Variants in FRMD8 observed in about 807,000 individuals in gnomAD.
The protein encoded by FRMD8 is FERM domain containing 8.
Under a neutral mutation model 54.2 loss-of-function variants are expected in FRMD8, and 37 were observed. The ratio of observed to expected loss-of-function variants is 0.68; its 90% CI spans 0.53 to 0.90. The LOEUF (loss-of-function observed/expected upper bound fraction) is 0.90, where lower values mean the gene tolerates loss of function less well. Among genes scored for constraint, FRMD8 ranks in the 40% least tolerant of loss-of-function variants. FRMD8 has a pLI of 0.00. For synonymous variants in FRMD8, 246 were observed against 286.9 expected (o/e 0.86, Z 1.44); for missense variants, 585 against 653.7 (o/e 0.89, Z 1.15).
At chr11:65,380,253 G>C in the FRMD8 span, 1 of 1,607,620 alleles carries the variant, frequency 6.2e-7, no homozygotes, top group South Asian at 1.1e-5. Flanking sequence ...AGAGGAAAGA[G>C]GGGTTCAGGC....
At chr11:65,379,366 G>A in the FRMD8 span, 1 of 1,606,524 alleles carries the variant, frequency 6.2e-7, no homozygotes, top group Non-Finnish European at 8.5e-7. Context: ...CCCACTCACT[G>A]CCCCCTCACC....
intron 7 of FRMD8, among the ~76,000 whole-genome samples, chr11:65,399,241 C>T (rs889430547): frequency 1.3e-5 from 2 of 152,138 alleles, no homozygotes; most frequent in African/African-American, 4.8e-5. Context: ...CCTCATGACC[C>T]GCCTGCCTCG....
intron 10 of FRMD8, among the ~76,000 whole-genome samples, chr11:65,405,467 C>CA (rs1197221143): frequency 1.3e-5 from 2 of 151,874 alleles, no homozygotes; most frequent in Non-Finnish European, 2.9e-5. Context: ...ACTAAAAATA[C>CA]AAAAAAAGTA....
At chr11:65,406,859 G>T (rs1440754275) in intron 10 of FRMD8, among the ~76,000 whole-genome samples, 2 of 151,924 alleles carry the variant, frequency 1.3e-5, no homozygotes, top group Admixed American at 1.3e-4. Context: ...AGAATCGCTT[G>T]TACCCAGGAG....
chr11:65,400,652 C>G lies in FRMD8; in HGVS notation c.928-72C>G. The G allele has an allele frequency of 7.0e-7, 1 of 1,432,228 alleles. No individual in the cohort carries two copies. Among genetic ancestry groups the G allele is most frequent in the Non-Finnish European group, 9.3e-7 (1 of 1,078,620 alleles). 88.7% of individuals were successfully genotyped at this position (1,432,228 alleles called of 1,614,324 possible). ...AGAGGCACACACCCTGGCCAGGTGT[C>G]TGAGTGGGATGGGGTGGGGAGCAGA... is the stretch of plus-strand genomic sequence containing the variant. On this transcript the variant is annotated intron_variant, in intron 8 of 10. Transcript: ENST00000317568. This position sits in a 1 kb window ranked among gnomAD's most constrained non-coding sequence, Gnocchi z 4.3.
At chr11:65,397,604 G>A (rs547079339) in intron 7 of FRMD8, among the ~76,000 whole-genome samples, 12 of 152,376 alleles carry the variant, frequency 7.9e-5, no homozygotes, top group South Asian at 6.2e-4. Context: ...TGGATGAAGC[G>A]AAGGAGAGGA....
intron 10 of FRMD8, among the ~76,000 whole-genome samples, chr11:65,408,699 A>G (rs1483880624): frequency 6.6e-6 from 1 of 150,744 alleles, no homozygotes; most frequent in Non-Finnish European, 1.5e-5. Flanking sequence ...TGCAGCCTCA[A>G]CCTCCCGTGC....
the FRMD8 span, chr11:65,380,324 A>G: frequency 2.5e-6 from 3 of 1,191,434 alleles, no homozygotes; most frequent in South Asian, 2.8e-5. Context: ...CAAGCTCTAG[A>G]GACTCCAGCT....
In FRMD8 at chr11:65,393,682, C is replaced by T. The variant is rs1361772059; in HGVS notation, c.355+8C>T. Reference sequence around the variant, plus strand: ...ACGATGACGTGGCCATGGGTCAGTGCTGCTGCCTGTCTGTCCTTGCCTCGG... The same window carrying T: ...ACGATGACGTGGCCATGGGTCAGTGTTGCTGCCTGTCTGTCCTTGCCTCGG... On this transcript the variant is annotated splice_region_variant and intron_variant, in intron 4 of 10. Transcript: ENST00000317568. 1.3e-6 allele frequency: 2 copies of T among 1,597,084 alleles called. No individual in the cohort carries two copies. Among genetic ancestry groups the T allele is most frequent in the Non-Finnish European group, 1.7e-6 (2 of 1,173,846 alleles).
intron 10 of FRMD8, among the ~76,000 whole-genome samples, chr11:65,408,058 T>G (rs1241688398): frequency 1.3e-5 from 2 of 151,782 alleles, no homozygotes; most frequent in African/African-American, 2.4e-5. Context: ...CTTGTAATTT[T>G]TAGAATAATT....
At chr11:65,380,391 C>G in the FRMD8 span, 852,644 of 912,296 alleles carry the variant, frequency 0.93, 399,476 homozygotes, top group Non-Finnish European at 0.96. Context: ...GGACAAGGGA[C>G]TAAGACCCCA....
chr11:65,377,102 C>T, the FRMD8 span: 1 of 1,602,422 alleles, frequency 6.2e-7, no homozygotes, highest in Non-Finnish European at 8.5e-7. Context: ...CATGAGGGCC[C>T]CGGGTGGGGC....
chr11:65,388,164 CAA>C (rs1269933120), intron 2 of FRMD8, among the ~76,000 whole-genome samples: 2 of 93,758 alleles, frequency 2.1e-5, no homozygotes, highest in Admixed American at 1.2e-4. Flanking sequence ...AACTCCGTCT[CAA>C]AAAAAAAAAA....
chr11:65,411,460 C>T lies in FRMD8; in HGVS notation c.*100C>T, dbSNP rs567285199. The T allele has an allele frequency of 1.8e-5, 13 of 719,766 alleles. No homozygotes were observed. The highest frequency in any genetic ancestry group is 1.4e-4 in the Admixed American group (4 of 29,196). The allele number at this position is 719,766 out of a possible 1,614,324, so 44.6% of individuals were successfully genotyped here. On this transcript the variant is annotated 3_prime_UTR_variant, in exon 11 of 11. Coordinates refer to ENST00000317568, the MANE Select transcript of FRMD8 (RefSeq NM_031904.5). ...GCTGCAACAGTCTCATGGGTCACCA[C>T]GTGGGGAGGGCTGCCTCAGCAGGTT...
upstream of FRMD8, among the ~76,000 whole-genome samples, chr11:65,385,945 C>G (rs1005510898): frequency 1.2e-4 from 19 of 152,008 alleles, no homozygotes; most frequent in Non-Finnish European, 2.4e-4. Flanking sequence ...TACAGGCGCC[C>G]GCCACCTCGC....
the FRMD8 span, among the ~76,000 whole-genome samples, chr11:65,369,768 C>T: frequency 6.6e-6 from 1 of 150,986 alleles, no homozygotes; most frequent in East Asian, 2.0e-4. Flanking sequence ...CATAGTGGCT[C>T]ATGCCTGTAA....
At chr11:65,369,117 C>T in the FRMD8 span, among the ~76,000 whole-genome samples, 1 of 152,130 alleles carries the variant, frequency 6.6e-6, no homozygotes, top group African/African-American at 2.4e-5. Flanking sequence ...TGGACCCGCC[C>T]CAAGCCTACT....
intron 10 of FRMD8, among the ~76,000 whole-genome samples, chr11:65,410,450 G>A (rs1193389121): frequency 2.6e-5 from 4 of 151,848 alleles, no homozygotes; most frequent in East Asian, 1.9e-4. Flanking sequence ...AGCCAAGATC[G>A]TGCCATTGCA....
In FRMD8 at chr11:65,386,993, C is replaced by G. The variant is rs142241454; in HGVS notation, c.1-44C>G. ...GAGCTTGAGGAGACCTCCAGCCCCC[C>G]ATCCCTGGCTCCCGGTAACTGCTGT... is the stretch of plus-strand genomic sequence containing the variant. On this transcript the variant is annotated intron_variant, in intron 1 of 10. Transcript: ENST00000317568. 16,101 of 1,548,982 alleles carry G rather than the reference C, an allele frequency of 0.01. 2,194 individuals are homozygous for G. The Admixed American group carries it at 0.25, about 24-fold the overall frequency.
Sources: allele counts gnomAD v4.1 joint callset (sites outside exome capture counted in the v4.1 genomes callset), GRCh38; gene constraint gnomAD v4.1.1; non-coding constraint Gnocchi (gnomAD v3.1); transcripts MANE v1.5; gene names NCBI Gene and HGNC (gene_info 2026-07-23, HGNC 2026-07-21).